EFNA2: variants seen among roughly 807,000 people sequenced by gnomAD.
The protein encoded by EFNA2 is ephrin-A2.
In EFNA2, 18 loss-of-function variants were observed where a neutral mutation model predicts 19.7. The observed-to-expected ratio is 0.91, with a 90% CI of 0.63 to 1.35. EFNA2 has a LOEUF of 1.35. Among genes scored for constraint, EFNA2 ranks in the 40% most tolerant of loss-of-function variants. EFNA2 has a pLI of 0.00. For missense variants in EFNA2, 303 were observed against 296.0 expected, an observed-to-expected ratio of 1.02 and a Z score of -0.17; for synonymous variants, 187 against 137.8, an observed-to-expected ratio of 1.36 and a Z score of -2.50.
intron 3 of EFNA2, 43 bp from the exon 4 acceptor site, chr19:1,299,781 G>T: frequency 6.4e-7 from 1 of 1,561,348 alleles, no homozygotes; most frequent in Non-Finnish European, 8.6e-7. Context: ...GAGCCCAGTG[G>T]GGTTCGGGCG....
At chr19:1,292,953 T>C (rs755992518) in intron 1 of EFNA2, among the ~76,000 whole-genome samples, 7 of 152,196 alleles carry the variant, frequency 4.6e-5, no homozygotes, top group South Asian at 2.1e-4. Flanking sequence ...GGAGGCACCA[T>C]TGGGGAACCA....
chr19:1,289,935 C>G (rs982984947), intron 1 of EFNA2, among the ~76,000 whole-genome samples: 1 of 151,970 alleles, frequency 6.6e-6, no homozygotes, highest in Non-Finnish European at 1.5e-5. Context: ...CTGGTCCACT[C>G]GGCATTGGGG....
chr19:1,292,667 G>A (rs765926330), intron 1 of EFNA2, among the ~76,000 whole-genome samples: 4 of 152,178 alleles, frequency 2.6e-5, no homozygotes, highest in South Asian at 2.1e-4. Context: ...TGAGGAGGGC[G>A]CAGTGGATGG....
Position 1,295,193 on chromosome 19 carries a change from A to T in EFNA2, c.141-352A>T, listed in dbSNP as rs1049679023. On this transcript the variant is annotated intron_variant, in intron 1 of 3. Coordinates refer to ENST00000215368, the MANE Select transcript of EFNA2 (RefSeq NM_001405.4). The surrounding 1 kb of genome is among the most constrained non-coding windows in gnomAD (Gnocchi z 5.8). ...TGACCGCTATCACCATTCAGGGCCC[A>T]GGCGGAGTCCACCTTGTGAACTGAC... 1.3e-5 allele frequency among the ~76,000 whole-genome samples: 2 copies of T among 152,070 alleles called. No homozygotes were observed. Among genetic ancestry groups the T allele is most frequent in the Non-Finnish European group, 2.9e-5 (2 of 67,990 alleles).
At chr19:1,292,794 T>C (rs1329288556) in intron 1 of EFNA2, among the ~76,000 whole-genome samples, 1 of 152,100 alleles carries the variant, frequency 6.6e-6, no homozygotes, top group Non-Finnish European at 1.5e-5. Context: ...AGGCTTGGGA[T>C]ATGGGGAGGC....
At position 1,296,019 on chromosome 19, in the gene EFNA2, C is replaced by A. The variant is rs1348755709; in HGVS notation, c.454+161C>A. ...GGCCAGGGGGGAGTGGGCGGGGCCGCGGAATGGGGCCAGGGGGGAGTGGGC... is the reference window on the plus strand; with the variant it reads ...GGCCAGGGGGGAGTGGGCGGGGCCGAGGAATGGGGCCAGGGGGGAGTGGGC... On this transcript the variant is annotated intron_variant, in intron 2 of 3. Coordinates refer to ENST00000215368, the MANE Select transcript of EFNA2 (RefSeq NM_001405.4). The surrounding 1 kb of genome is among the most constrained non-coding windows in gnomAD (Gnocchi z 4.4). Among the ~76,000 whole-genome samples the A allele has an allele frequency of 3.2e-5, 2 of 62,868 alleles. No individual in the cohort carries two copies. Among genetic ancestry groups the A allele is most frequent in the African/African-American group, 1.3e-4 (2 of 15,920 alleles). The allele number at this position is 62,868 out of a possible 152,430, so 41.2% of individuals were successfully genotyped here.
At position 1,298,607 on chromosome 19, in the gene EFNA2, C is replaced by A. The variant is rs775479724; in HGVS notation, c.511C>A (p.Arg171=). 6.2e-7 allele frequency: 1 copy of A among 1,613,904 alleles called. No homozygotes were observed. Among genetic ancestry groups the A allele is most frequent in the Admixed American group, 1.7e-5 (1 of 60,002 alleles). The change falls in exon 3 of 4, where the codon CGG becomes AGG. Residue 171 remains arginine (R), a synonymous_variant. Coordinates refer to ENST00000215368, the MANE Select transcript of EFNA2 (RefSeq NM_001405.4). The stretch of plus-strand genomic sequence containing the variant: ...CTGCCTGCGACTGAAGGTGTACGTG[C>A]GGCCGACCAGTAAGTGCTCAGGGGG... The part of the protein sequence containing the change: ...RPCLRLKVYV[R]PTNETLYEAP...
chr19:1,293,353 C>T (rs1437658239), intron 1 of EFNA2, among the ~76,000 whole-genome samples: 1 of 152,240 alleles, frequency 6.6e-6, no homozygotes, highest in African/African-American at 2.4e-5. Context: ...TGCCTGTGCC[C>T]GGCCGGCCAA....
At chr19:1,298,836 T>G (rs1482750088) in intron 3 of EFNA2, among the ~76,000 whole-genome samples, 4 of 152,072 alleles carry the variant, frequency 2.6e-5, no homozygotes, top group Non-Finnish European at 5.9e-5. Context: ...TCCCAGCACA[T>G]TGGGATGCTG....
chr19:1,288,219 C>A (rs1350168503), intron 1 of EFNA2, among the ~76,000 whole-genome samples: 2 of 152,270 alleles, frequency 1.3e-5, no homozygotes, highest in East Asian at 3.8e-4. Context: ...AAGCCGGGAT[C>A]CAGCCAGAAT....
chr19:1,299,918 C>T lies in EFNA2; in HGVS notation c.615C>T (p.Pro205=). The T allele has an allele frequency of 7.5e-6, 12 of 1,604,434 alleles. No homozygotes were observed. The highest frequency in any genetic ancestry group is 9.3e-6 in the Non-Finnish European group (11 of 1,179,022). ...GCCGCCTCTTCCTCAGCACCATCCCCGTGCTCTGGACCCTCCTGGGTTCCT... is the reference window on the plus strand; with the variant it reads ...GCCGCCTCTTCCTCAGCACCATCCCTGTGCTCTGGACCCTCCTGGGTTCCT... ...GGCRLFLSTI[P]VLWTLLGS The change falls in exon 4 of 4, where the codon CCC becomes CCT. Residue 205 remains proline, a synonymous_variant. Transcript: ENST00000215368.
intron 1 of EFNA2, among the ~76,000 whole-genome samples, chr19:1,288,640 C>T (rs565741425): frequency 1.3e-5 from 2 of 152,222 alleles, no homozygotes; most frequent in East Asian, 1.9e-4. Flanking sequence ...CCGCCCCTTC[C>T]GCCCATTGGC....
intron 1 of EFNA2, among the ~76,000 whole-genome samples, chr19:1,292,617 C>G (rs1465229132): frequency 6.6e-6 from 1 of 152,100 alleles, no homozygotes; most frequent in Non-Finnish European, 1.5e-5. Flanking sequence ...AGCCGGGAGG[C>G]TGGTGTGGCT....
Position 1,287,176 on chromosome 19 carries a change from G to A in EFNA2, c.140+868G>A, listed in dbSNP as rs1012944558. Among the ~76,000 whole-genome samples, 1 of 152,240 alleles carries A rather than the reference G, an allele frequency of 6.6e-6. No homozygotes were observed. The highest frequency in any genetic ancestry group is 2.4e-5 in the African/African-American group (1 of 41,454). On this transcript the variant is annotated intron_variant, in intron 1 of 3. Coordinates refer to ENST00000215368, the MANE Select transcript of EFNA2 (RefSeq NM_001405.4). This position sits in a 1 kb window ranked among gnomAD's most constrained non-coding sequence, Gnocchi z 6.2. Reference sequence around the variant, plus strand: ...TTGGTCAGAGCAAAAAAAGTTTGCCGGGGCCTGGCCATGGCCTGGACGTGG... The same window carrying A: ...TTGGTCAGAGCAAAAAAAGTTTGCCAGGGCCTGGCCATGGCCTGGACGTGG...
chr19:1,289,184 C>T (rs377512024), intron 1 of EFNA2, among the ~76,000 whole-genome samples: 4 of 152,234 alleles, frequency 2.6e-5, no homozygotes, highest in East Asian at 3.8e-4. Context: ...CATGTGTCTG[C>T]GTGATTGCAT....
rs2081518428 is a variant in EFNA2 at position 1,296,898 on chromosome 19, G to A, written c.454+1040G>A. ...TGGGCCAGGCTGAGGGAGGCTGCCAGTCCCTGCTGCTTATCGGAGGTCCGA... is the reference window on the plus strand; with the variant it reads ...TGGGCCAGGCTGAGGGAGGCTGCCAATCCCTGCTGCTTATCGGAGGTCCGA... On this transcript the variant is annotated intron_variant, in intron 2 of 3. Transcript: ENST00000215368. This position sits in a 1 kb window ranked among gnomAD's most constrained non-coding sequence, Gnocchi z 4.4. Among the ~76,000 whole-genome samples the A allele has an allele frequency of 6.6e-6, 1 of 152,240 alleles. No homozygotes were observed. The highest frequency in any genetic ancestry group is 1.5e-5 in the Non-Finnish European group (1 of 68,046).
Position 1,295,411 on chromosome 19 carries a change from G to T in EFNA2, c.141-134G>T. ...ACCCTGACCCGTCCCCCGTGCTCCT[G>T]ACCCCGGCCCTCGCCGCGCACCCCG... On this transcript the variant is annotated intron_variant, in intron 1 of 3. Transcript: ENST00000215368. This position sits in a 1 kb window ranked among gnomAD's most constrained non-coding sequence, Gnocchi z 5.8. 1.1e-6 allele frequency: 1 copy of T among 898,964 alleles called. No homozygotes were observed. The highest frequency in any genetic ancestry group is 2.0e-5 in the South Asian group (1 of 51,066). The allele number at this position is 898,964 out of a possible 1,614,324, so 55.7% of individuals were successfully genotyped here.
chr19:1,299,374 T>C (rs1210372469), intron 3 of EFNA2, among the ~76,000 whole-genome samples: 1 of 151,972 alleles, frequency 6.6e-6, no homozygotes, highest in African/African-American at 2.4e-5. Context: ...CTGGCCAACA[T>C]GGTGAAACCC....
chr19:1,298,926 C>T (rs1178893829), intron 3 of EFNA2, among the ~76,000 whole-genome samples: 2 of 152,000 alleles, frequency 1.3e-5, no homozygotes, highest in Non-Finnish European at 2.9e-5. Flanking sequence ...GCCTGGGTGA[C>T]AGAGCAAGAC....
Sources: allele counts gnomAD v4.1 joint callset (sites outside exome capture counted in the v4.1 genomes callset), GRCh38; gene constraint gnomAD v4.1.1; non-coding constraint Gnocchi (gnomAD v3.1); transcripts MANE v1.5; gene names NCBI Gene and HGNC (gene_info 2026-07-23, HGNC 2026-07-21).